Variants in ITGAV observed in about 807,000 individuals in gnomAD.
ITGAV encodes the protein integrin alpha-V.
Under a neutral mutation model 143.8 loss-of-function variants are expected in ITGAV, and 76 were observed. The observed-to-expected ratio is 0.53, with a 90% CI of 0.44 to 0.64. The LOEUF is 0.64. ITGAV is among the 30% of genes least tolerant of loss of function. The probability of loss-of-function intolerance (pLI) is 0.00; values close to 1 mark genes in which losing one functional copy is unlikely to be tolerated. For missense variants in ITGAV, 1,193 were observed against 1,274.7 expected, an observed-to-expected ratio of 0.94 and a Z score of 0.98; for synonymous variants, 453 against 446.7, an observed-to-expected ratio of 1.01 and a Z score of -0.18.
intron 1 of ITGAV, among the ~76,000 whole-genome samples, chr2:186,592,681 A>G (rs1408464650): frequency 3.3e-5 from 5 of 152,142 alleles, no homozygotes; most frequent in African/African-American, 7.2e-5. Flanking sequence ...ATTATAATCA[A>G]TGAATGTGTT....
intron 22 of ITGAV, 54 bp downstream of exon 22, chr2:186,666,837 TAA>T (rs1688912155): frequency 1.1e-6 from 1 of 918,836 alleles, no homozygotes; most frequent in Non-Finnish European, 1.6e-6. Context: ...TTATTTGTTG[TAA>T]ATATACTATG....
chr2:186,641,408 G>C lies in ITGAV; in HGVS notation c.979G>C (p.Ala327Pro). 6.2e-7 allele frequency: 1 copy of C among 1,614,014 alleles called. No homozygotes were observed. Reference protein sequence around the residue: ...GDDYADVFIGAPLFMDRGSDG... With the variant: ...GDDYADVFIGPPLFMDRGSDG... Reference sequence around the variant, plus strand: ...TAGTTATGCAGATGTGTTTATTGGAGCACCTCTCTTCATGGATCGTGGCTC... The same window carrying C: ...TAGTTATGCAGATGTGTTTATTGGACCACCTCTCTTCATGGATCGTGGCTC... The change falls in exon 12 of 30, where the codon GCA becomes CCA. Residue 327 changes from alanine to proline, a missense_variant. Transcript: ENST00000261023.
Position 186,666,714 on chromosome 2 carries a change from G to T in ITGAV, c.2177G>T (p.Gly726Val). The change falls in exon 22 of 30, where the codon GGT becomes GTT. Residue 726 changes from glycine (G) to valine (V), a missense_variant. By Grantham distance (109) the Gly-to-Val change is moderately radical. Coordinates refer to ENST00000261023, the MANE Select transcript of ITGAV (RefSeq NM_002210.5). ...PMKAGTQLLAGLRFSVHQQSE... is the reference protein window; with the variant it reads ...PMKAGTQLLAVLRFSVHQQSE... ...TCCTCTCTCCTTTAGCTCTTAGCTG[G>T]TCTTCGTTTCAGTGTGCACCAGCAG... 2 of 1,571,606 alleles carry T rather than the reference G, an allele frequency of 1.3e-6. No individual in the cohort carries two copies. Among genetic ancestry groups the T allele is most frequent in the Non-Finnish European group, 1.7e-6 (2 of 1,162,736 alleles).
At chr2:186,653,790 G>C (rs1013046632) in intron 15 of ITGAV, among the ~76,000 whole-genome samples, 2 of 152,042 alleles carry the variant, frequency 1.3e-5, no homozygotes, top group Non-Finnish European at 2.9e-5. Context: ...TTTGAGTATG[G>C]CACATAGAAA....
At chr2:186,666,660 A>G in intron 21 of ITGAV, 44 bp from the exon 22 acceptor site, 1 of 1,151,214 alleles carries the variant, frequency 8.7e-7, no homozygotes. Context: ...AATTTTGCTA[A>G]TTAGACATTG....
chr2:186,654,541 T>C (rs1419217505), intron 15 of ITGAV, 109 bp from the exon 16 acceptor site: 9 of 564,706 alleles, frequency 1.6e-5, no homozygotes, highest in Non-Finnish European at 2.5e-5. Context: ...AAGAAAGATG[T>C]AAGGCTTCAC....
Position 186,656,231 on chromosome 2 carries a change from C to A in ITGAV, c.1565-16C>A. 1 of 1,569,142 alleles carries A rather than the reference C, an allele frequency of 6.4e-7. No homozygotes were observed. Among genetic ancestry groups the A allele is most frequent in the Non-Finnish European group, 8.6e-7 (1 of 1,162,316 alleles). The stretch of plus-strand genomic sequence containing the variant: ...CATAAAGAATATGTTGGTTATAAAT[C>A]CTTTGGTTTACATAGATTTCCAGGT... On this transcript the variant is annotated splice_polypyrimidine_tract_variant and intron_variant, in intron 16 of 29. Transcript: ENST00000261023.
chr2:186,647,654 C>G (rs1258213057), intron 13 of ITGAV, among the ~76,000 whole-genome samples: 1 of 152,084 alleles, frequency 6.6e-6, no homozygotes, highest in African/African-American at 2.4e-5. Flanking sequence ...TAAAAAGAGA[C>G]TGAGAAAGGC....
chr2:186,622,218 C>A, intron 2 of ITGAV, 121 bp from the exon 3 acceptor site: 1 of 658,298 alleles, frequency 1.5e-6, no homozygotes, highest in Non-Finnish European at 2.6e-6. Context: ...AGAAAAATAA[C>A]CAGTGGAATA....
intron 3 of ITGAV, among the ~76,000 whole-genome samples, chr2:186,623,508 G>A (rs1687591407): frequency 6.6e-6 from 1 of 151,978 alleles, no homozygotes; most frequent in South Asian, 2.1e-4. Context: ...TCTCTATTTA[G>A]CTTCCTTTGC....
intron 27 of ITGAV, 24 bp downstream of exon 27, chr2:186,675,741 A>G (rs745795032): frequency 6.4e-7 from 1 of 1,569,210 alleles, no homozygotes; most frequent in Non-Finnish European, 8.8e-7. Flanking sequence ...TGCAGCATTT[A>G]GCAAACATAC....
intron 8 of ITGAV, 50 bp downstream of exon 8, chr2:186,637,159 AT>A (rs1441854004): frequency 6.8e-7 from 1 of 1,461,852 alleles, no homozygotes; most frequent in African/African-American, 1.4e-5. Context: ...TAGATTAAGT[AT>A]TTGAAACATG....
intron 4 of ITGAV, 107 bp from the exon 5 acceptor site, chr2:186,630,690 A>G: frequency 1.5e-6 from 1 of 645,334 alleles, no homozygotes; most frequent in Non-Finnish European, 2.8e-6. Context: ...ACCACTCTCA[A>G]AAATTGGTAC....
intron 15 of ITGAV, among the ~76,000 whole-genome samples, chr2:186,654,332 C>CAA (rs199965377): frequency 2.4e-5 from 2 of 84,842 alleles, no homozygotes; most frequent in South Asian, 3.9e-4. Context: ...GACTCTGTCT[C>CAA]AAAAAAAAAA....
At position 186,637,050 on chromosome 2, in the gene ITGAV, T is replaced by C. The variant is rs202016515; in HGVS notation, c.758-15T>C. On this transcript the variant is annotated splice_polypyrimidine_tract_variant and intron_variant, in intron 7 of 29. Transcript: ENST00000261023. ...TCCTTGTCCTGATGGTTCTCCCCTT[T>C]GGTTTCCTGTTTAGGTTATTCTGTG... 5.0e-6 allele frequency: 8 copies of C among 1,611,482 alleles called. No homozygotes were observed. Among genetic ancestry groups the C allele is most frequent in the Non-Finnish European group, 5.1e-6 (6 of 1,177,754 alleles).
At position 186,659,125 on chromosome 2, in the gene ITGAV, G is replaced by C; in HGVS notation, c.1807G>C (p.Gly603Arg). 6.2e-7 allele frequency: 1 copy of C among 1,613,034 alleles called. No homozygotes were observed. The highest frequency in any genetic ancestry group is 1.1e-5 in the South Asian group (1 of 90,962). ...LDYRTAADTT[G>R]LQPILNQFTP... ...TTATAGAACAGCTGCTGATACAACAGGCTTGCAACCCATTCTTAACCAGTT... is the reference window on the plus strand; with the variant it reads ...TTATAGAACAGCTGCTGATACAACACGCTTGCAACCCATTCTTAACCAGTT... Residue 603 changes from glycine to arginine, a missense_variant, in exon 18 of 30, where the codon GGC (glycine) becomes CGC (arginine). Coordinates refer to ENST00000261023, the MANE Select transcript of ITGAV (RefSeq NM_002210.5).
intron 17 of ITGAV, among the ~76,000 whole-genome samples, chr2:186,658,717 A>G (rs1416702639): frequency 6.6e-6 from 1 of 152,062 alleles, no homozygotes; most frequent in African/African-American, 2.4e-5. Flanking sequence ...AGAAAGAAGT[A>G]TTTGGGTAGC....
intron 1 of ITGAV, among the ~76,000 whole-genome samples, chr2:186,598,518 A>G (rs1235161276): frequency 2.0e-5 from 3 of 150,522 alleles, no homozygotes; most frequent in East Asian, 2.0e-4. Context: ...GCTCACTGCA[A>G]TCTCCACCTC....
At chr2:186,673,728 T>C (rs1352758970) in intron 26 of ITGAV, among the ~76,000 whole-genome samples, 1 of 152,076 alleles carries the variant, frequency 6.6e-6, no homozygotes, top group East Asian at 1.9e-4. Context: ...AGTGCAATGG[T>C]GTGATCTCGA....
Sources: gnomAD v4.1 joint callset for allele counts (sites outside exome capture counted in the v4.1 genomes callset) on GRCh38, gnomAD v4.1.1 for gene constraint, MANE v1.5 for transcripts, NCBI Gene and HGNC (gene_info 2026-07-23, HGNC 2026-07-21) for gene names.